Variants in UNC80 observed in about 807,000 individuals in gnomAD.
UNC80 encodes protein unc-80 homolog.
In UNC80, 164 loss-of-function variants were observed where a neutral mutation model predicts 384.6. That is an observed-to-expected ratio of 0.43 (90% CI 0.38 to 0.49). The LOEUF is 0.49. Among genes scored for constraint, UNC80 ranks in the 20% least tolerant of loss-of-function variants. UNC80 has a pLI of 0.00. For synonymous variants in UNC80, 1,486 were observed against 1,527.8 expected, an observed-to-expected ratio of 0.97 and a Z score of 0.64; for missense variants, 3,330 against 4,143.0, an observed-to-expected ratio of 0.80 and a Z score of 5.39.
chr2:209,801,096 C>T (rs1231808819), intron 7 of UNC80, among the ~76,000 whole-genome samples: 2 of 151,926 alleles, frequency 1.3e-5, no homozygotes, highest in African/African-American at 2.4e-5. Flanking sequence ...TAGTTCAAGC[C>T]CTGAATATCC....
chr2:209,912,549 G>C lies in UNC80; in HGVS notation c.4783-11G>C, dbSNP rs1201632477. 2.0e-6 allele frequency: 3 copies of C among 1,531,270 alleles called. No homozygotes were observed. Among genetic ancestry groups the C allele is most frequent in the East Asian group, 2.5e-5 (1 of 40,716 alleles). 94.9% of individuals were successfully genotyped at this position (1,531,270 alleles called of 1,614,324 possible). A position where few individuals can be genotyped will look rare whatever the true frequency, so the allele number is the denominator to read the frequency against. On this transcript the variant is annotated splice_polypyrimidine_tract_variant and intron_variant, in intron 29 of 64. Transcript: ENST00000673920. ...ACATCACTCTTCATTACATATCCCTGGTCTTTTCAGTGCTCAGATAAGTCA... is the reference window on the plus strand; with the variant it reads ...ACATCACTCTTCATTACATATCCCTCGTCTTTTCAGTGCTCAGATAAGTCA...
In UNC80 at chr2:209,917,852, C is replaced by T. The variant is rs374867757; in HGVS notation, c.5105C>T (p.Pro1702Leu). 5.6e-5 allele frequency: 87 copies of T among 1,551,936 alleles called. No homozygotes were observed. The highest frequency in any genetic ancestry group is 6.6e-5 in the Non-Finnish European group (76 of 1,147,066). ...SDMLMSEFHHPETVQRLNAVL... is the reference protein window; with the variant it reads ...SDMLMSEFHHLETVQRLNAVL... Reference sequence around the variant, plus strand: ...ATGCTGATGTCAGAGTTCCACCACCCGGAGACTGTGCAGAGGCTGAACGCT... The same window carrying T: ...ATGCTGATGTCAGAGTTCCACCACCTGGAGACTGTGCAGAGGCTGAACGCT... The change falls in exon 32 of 65, where the codon CCG (proline) becomes CTG (leucine). Residue 1702 changes from proline (P) to leucine (L), a missense_variant. By Grantham distance (98) the Pro-to-Leu change is moderately conservative. Transcript: ENST00000673920.
chr2:209,835,939 C>T (rs933489935), intron 18 of UNC80, among the ~76,000 whole-genome samples: 1 of 152,170 alleles, frequency 6.6e-6, no homozygotes, highest in Non-Finnish European at 1.5e-5. Flanking sequence ...TTGTAGTAAA[C>T]ACAAATTTGT....
At chr2:209,930,011 A>G (rs1361964823) in intron 37 of UNC80, 40 bp downstream of exon 37, 2 of 1,385,828 alleles carry the variant, frequency 1.4e-6, no homozygotes, top group Non-Finnish European at 1.9e-6. Flanking sequence ...CTGTGGCTAC[A>G]AGTGTGAACA....
At chr2:209,916,642 T>C (rs1312818765) in intron 31 of UNC80, among the ~76,000 whole-genome samples, 1 of 152,212 alleles carries the variant, frequency 6.6e-6, no homozygotes, top group African/African-American at 2.4e-5. Context: ...GCATTTGTTA[T>C]AGAACTAGAT....
chr2:209,945,642 A>G (rs1429318211), intron 46 of UNC80, among the ~76,000 whole-genome samples: 3 of 152,180 alleles, frequency 2.0e-5, no homozygotes, highest in African/African-American at 7.2e-5. Context: ...AAGTATTTTT[A>G]TTTTACATCT....
In UNC80 at chr2:209,816,892, AC is replaced by A. The variant is rs1273744587; in HGVS notation, c.1336-15del. 1 of 1,550,844 alleles carries A rather than the reference AC, an allele frequency of 6.4e-7. No homozygotes were observed. The highest frequency in any genetic ancestry group is 1.4e-5 in the African/African-American group (1 of 73,018). ...TTCTTTGCCCTGTGCCTAATTCTAC[AC>A]CTCTCATCACTGTAGTTCAAGAGCC... On this transcript the variant is annotated splice_polypyrimidine_tract_variant and intron_variant, in intron 9 of 64. Coordinates refer to ENST00000673920, the MANE Select transcript of UNC80 (RefSeq NM_001371986.1).
intron 54 of UNC80, 68 bp from the exon 55 acceptor site, chr2:209,972,133 G>C (rs2092903447): frequency 1.3e-6 from 2 of 1,521,320 alleles, no homozygotes; most frequent in Non-Finnish European, 1.8e-6. Flanking sequence ...CCATCATACT[G>C]TGTAAAAACA....
intron 4 of UNC80, among the ~76,000 whole-genome samples, chr2:209,785,635 T>C (rs898084287): frequency 1.1e-4 from 17 of 152,098 alleles, no homozygotes; most frequent in African/African-American, 2.4e-5. Flanking sequence ...GACTGGACAA[T>C]AGAATGTCAA....
chr2:209,795,005 G>T, intron 7 of UNC80: 1 of 308,442 alleles, frequency 3.2e-6, no homozygotes, highest in Non-Finnish European at 6.3e-6. Context: ...AACAGGCAGA[G>T]ATTGGAACAG....
chr2:209,949,781 C>G (rs376261031), intron 47 of UNC80, among the ~76,000 whole-genome samples: 1 of 150,392 alleles, frequency 6.6e-6, no homozygotes, highest in Non-Finnish European at 1.5e-5. Flanking sequence ...CCCAGCCCCC[C>G]ACCCCTTTTT....
At chr2:209,904,292 A>C (rs1284822884) in intron 28 of UNC80, among the ~76,000 whole-genome samples, 1 of 152,210 alleles carries the variant, frequency 6.6e-6, no homozygotes, top group Non-Finnish European at 1.5e-5. Flanking sequence ...CCAGAGGAGA[A>C]GAAGTGGAAA....
intron 31 of UNC80, 82 bp downstream of exon 31, chr2:209,914,022 A>G: frequency 1.4e-6 from 2 of 1,447,292 alleles, no homozygotes; most frequent in Middle Eastern, 2.4e-4. Context: ...AGGTGTTTCC[A>G]TTCTATTTTT....
chr2:209,829,871 A>G (rs936499644), intron 15 of UNC80, among the ~76,000 whole-genome samples: 6 of 152,236 alleles, frequency 3.9e-5, no homozygotes, highest in Non-Finnish European at 8.8e-5. Context: ...TGACACACAC[A>G]TACTTAATTT....
intron 2 of UNC80, among the ~76,000 whole-genome samples, 165 bp downstream of exon 2, chr2:209,773,307 A>G (rs558235737): frequency 3.9e-5 from 6 of 152,410 alleles, no homozygotes; most frequent in South Asian, 2.1e-4. Context: ...GAATAGAACA[A>G]TGATAAAAAC....
chr2:209,786,597 C>T (rs1372412761), intron 5 of UNC80, among the ~76,000 whole-genome samples: 3 of 152,032 alleles, frequency 2.0e-5, no homozygotes, highest in Non-Finnish European at 4.4e-5. Flanking sequence ...GGCTCCTTAA[C>T]AAAATCATCT....
rs528874352 is a variant in UNC80, at chr2:209,979,289, T to C, written c.9118+581T>C. 1.3e-4 allele frequency among the ~76,000 whole-genome samples: 20 copies of C among 152,300 alleles called. No individual in the cohort carries two copies. In the East Asian group the frequency reaches 3.9e-3, roughly 29 times the overall value. ...TATCTAAAAACTCCTAAATTTTCTT[T>C]AAACCTATATAGTCAACTTTTTCCA... On this transcript the variant is annotated intron_variant, in intron 59 of 64. Coordinates refer to ENST00000673920, the MANE Select transcript of UNC80 (RefSeq NM_001371986.1).
At chr2:209,860,737 G>A (rs1004013975) in intron 22 of UNC80, among the ~76,000 whole-genome samples, 4 of 152,134 alleles carry the variant, frequency 2.6e-5, no homozygotes, top group African/African-American at 9.7e-5. Flanking sequence ...GCAGTGGTTT[G>A]TAGTTCTCCT....
chr2:209,880,057 A>G (rs932311779), intron 24 of UNC80, among the ~76,000 whole-genome samples: 1 of 152,234 alleles, frequency 6.6e-6, no homozygotes, highest in Non-Finnish European at 1.5e-5. Flanking sequence ...TTTAAAATGG[A>G]TAACCATTTC....
Sources: allele counts gnomAD v4.1 joint callset (sites outside exome capture counted in the v4.1 genomes callset), GRCh38; gene constraint gnomAD v4.1.1; transcripts MANE v1.5; gene names NCBI Gene and HGNC (gene_info 2026-07-23, HGNC 2026-07-21).